ERBB4: variants seen among roughly 807,000 people sequenced by gnomAD.
ERBB4 encodes receptor tyrosine-protein kinase erbB-4.
In ERBB4, 42 loss-of-function variants were observed where a neutral mutation model predicts 158.0. The ratio of observed to expected loss-of-function variants is 0.27; its 90% CI spans 0.21 to 0.34. The LOEUF (loss-of-function observed/expected upper bound fraction) is 0.34, where lower values mean the gene tolerates loss of function less well. ERBB4 is among the 10% of genes least tolerant of loss of function. The pLI is 1.00. For missense variants in ERBB4, 1,333 were observed against 1,624.1 expected (o/e 0.82, Z 3.08); for synonymous variants, 583 against 558.7 (o/e 1.04, Z -0.61).
At chr2:212,464,247 C>G (rs2128318) in intron 1 of ERBB4, among the ~76,000 whole-genome samples, 62,839 of 151,830 alleles carry the variant, frequency 0.41, 13,491 homozygotes, top group African/African-American at 0.49. Context: ...ATATTTTTAA[C>G]TATAATTTTA....
At chr2:211,401,522 T>C (rs2063042299) in intron 25 of ERBB4, among the ~76,000 whole-genome samples, 1 of 152,062 alleles carries the variant, frequency 6.6e-6, no homozygotes, top group South Asian at 2.1e-4. Context: ...ATTGAATTTT[T>C]CCTTCCCTGT....
intron 20 of ERBB4, among the ~76,000 whole-genome samples, chr2:211,521,281 G>C (rs2066178664): frequency 6.6e-6 from 1 of 152,082 alleles, no homozygotes; most frequent in Non-Finnish European, 1.5e-5. Context: ...TGATAAGAAA[G>C]CAAAACAGCC....
Position 211,380,853 on chromosome 2 carries a change from A to G in ERBB4, c.*2762T>C. On this transcript the variant is annotated 3_prime_UTR_variant, in exon 28 of 28. Coordinates refer to ENST00000342788, the MANE Select transcript of ERBB4 (RefSeq NM_005235.3). ...ATACATTTCTGTTACCTTAACAGTT[A>G]AAAGTTTGTTTTAACTATTCATTTT... 1 of 232,036 alleles carries G rather than the reference A, an allele frequency of 4.3e-6. No individual in the cohort carries two copies. The allele number at this position is 232,036 out of a possible 1,614,324, so 14.4% of individuals were successfully genotyped here.
chr2:212,059,808 C>T (rs1359207169), intron 2 of ERBB4, among the ~76,000 whole-genome samples: 1 of 152,190 alleles, frequency 6.6e-6, no homozygotes, highest in Non-Finnish European at 1.5e-5. Context: ...GGATTAAAGA[C>T]TTAAACATTA....
At chr2:211,615,365 G>T (rs2069347151) in intron 19 of ERBB4, among the ~76,000 whole-genome samples, 1 of 151,874 alleles carries the variant, frequency 6.6e-6, no homozygotes. Context: ...CAACAAAAAA[G>T]CCTGCATTTT....
chr2:212,138,889 G>C (rs1287748539), intron 1 of ERBB4, among the ~76,000 whole-genome samples: 1 of 151,944 alleles, frequency 6.6e-6, no homozygotes, highest in Non-Finnish European at 1.5e-5. Context: ...ATTGTTTTTA[G>C]TCTTTTTTCA....
chr2:211,934,017 GA>G (rs2080245369), intron 3 of ERBB4, among the ~76,000 whole-genome samples: 1 of 152,118 alleles, frequency 6.6e-6, no homozygotes, highest in Non-Finnish European at 1.5e-5. Context: ...TAATTAGTTA[GA>G]GGGTTTCTAA....
intron 3 of ERBB4, 109 bp downstream of exon 3, chr2:211,947,321 A>C (rs2080728297): frequency 2.3e-6 from 2 of 859,234 alleles, no homozygotes; most frequent in Non-Finnish European, 3.8e-6. Flanking sequence ...CTGATATTTA[A>C]ATGCCTTAGA....
intron 1 of ERBB4, among the ~76,000 whole-genome samples, chr2:212,144,018 C>CAAA (rs58331172): frequency 1.7e-5 from 2 of 114,490 alleles, no homozygotes; most frequent in African/African-American, 5.9e-5. Context: ...GACTTCATCT[C>CAAA]AAAAAAAAAA....
intron 1 of ERBB4, among the ~76,000 whole-genome samples, chr2:212,243,245 T>C (rs946763005): frequency 7.9e-5 from 12 of 152,224 alleles, no homozygotes; most frequent in Non-Finnish European, 1.5e-4. Flanking sequence ...GCCACGCATC[T>C]GGCAGACTGT....
At chr2:212,102,781 C>T (rs943281150) in intron 2 of ERBB4, among the ~76,000 whole-genome samples, 3 of 152,144 alleles carry the variant, frequency 2.0e-5, no homozygotes, top group African/African-American at 7.2e-5. Context: ...AGAACCTCTT[C>T]CACTCAATTG....
chr2:211,562,278 C>T (rs1312911296), intron 19 of ERBB4, among the ~76,000 whole-genome samples, 190 bp from the exon 20 acceptor site: 1 of 152,244 alleles, frequency 6.6e-6, no homozygotes, highest in South Asian at 2.1e-4. Flanking sequence ...ATTAAATAAA[C>T]AACAAAGTCT....
chr2:212,091,550 G>A (rs965083949), intron 2 of ERBB4, among the ~76,000 whole-genome samples: 3 of 152,090 alleles, frequency 2.0e-5, no homozygotes, highest in Admixed American at 6.6e-5. Context: ...CATTTTGCAT[G>A]ACCCCTGAAG....
intron 2 of ERBB4, among the ~76,000 whole-genome samples, chr2:211,956,437 G>C (rs1441857771): frequency 6.6e-6 from 1 of 152,040 alleles, no homozygotes; most frequent in Non-Finnish European, 1.5e-5. Flanking sequence ...TCCACAGAGA[G>C]CCAAACTGGT....
intron 1 of ERBB4, among the ~76,000 whole-genome samples, chr2:212,340,518 G>A (rs559174070): frequency 6.6e-6 from 1 of 152,312 alleles, no homozygotes; most frequent in Non-Finnish European, 1.5e-5. Context: ...GATAGACAAT[G>A]ACAGATCATC....
intron 2 of ERBB4, among the ~76,000 whole-genome samples, chr2:211,968,117 T>C (rs1165834082): frequency 6.6e-6 from 1 of 152,062 alleles, no homozygotes; most frequent in Non-Finnish European, 1.5e-5. Context: ...TTCAAACTAC[T>C]TTAAAAAGCC....
chr2:211,896,638 C>T (rs1255424843), intron 3 of ERBB4, among the ~76,000 whole-genome samples: 2 of 152,010 alleles, frequency 1.3e-5, no homozygotes, highest in Non-Finnish European at 2.9e-5. Context: ...GGTATCATAA[C>T]AATATGCAAA....
intron 1 of ERBB4, among the ~76,000 whole-genome samples, chr2:212,289,722 A>G (rs1192961050): frequency 2.0e-5 from 3 of 152,168 alleles, no homozygotes; most frequent in Non-Finnish European, 4.4e-5. Flanking sequence ...CCACTACAAC[A>G]AAGTTTTAAG....
At chr2:212,513,629 G>T (rs574167563) in intron 1 of ERBB4, among the ~76,000 whole-genome samples, 26 of 152,140 alleles carry the variant, frequency 1.7e-4, no homozygotes, top group African/African-American at 6.0e-4. Context: ...TGGCTAACAC[G>T]GTGAAGCCCG....
Sources: allele counts gnomAD v4.1 joint callset (sites outside exome capture counted in the v4.1 genomes callset), GRCh38; gene constraint gnomAD v4.1.1; transcripts MANE v1.5; gene names NCBI Gene and HGNC (gene_info 2026-07-23, HGNC 2026-07-21).